SULT2A1: variants seen among roughly 807,000 people sequenced by gnomAD.
The protein encoded by SULT2A1 is sulfotransferase family 2A member 1.
SULT2A1 carries 43 observed loss-of-function variants against 33.9 expected under a neutral mutation model. The ratio of observed to expected loss-of-function variants is 1.27; its 90% CI spans 1.00 to 1.64. The LOEUF is 1.64. Among genes scored for constraint, SULT2A1 ranks in the 40% most tolerant of loss-of-function variants. The probability of loss-of-function intolerance (pLI) is 0.00; values close to 1 mark genes in which losing one functional copy is unlikely to be tolerated. For missense variants in SULT2A1, 300 were observed against 335.1 expected, an observed-to-expected ratio of 0.90 and a Z score of 0.82; for synonymous variants, 125 against 113.6, an observed-to-expected ratio of 1.10 and a Z score of -0.64.
rs568278449 is a variant in SULT2A1, at chr19:47,871,233, G to A, written c.*222C>T. Reference sequence around the variant, plus strand: ...TCTCAGTCTCCTGACCTCGTGATCCGCCCGTCTCGGCCTCCCATAGTGCTG... The same window carrying A: ...TCTCAGTCTCCTGACCTCGTGATCCACCCGTCTCGGCCTCCCATAGTGCTG... On this transcript the variant is annotated 3_prime_UTR_variant, in exon 6 of 6. Coordinates refer to ENST00000222002, the MANE Select transcript of SULT2A1 (RefSeq NM_003167.4). 1.5e-5 allele frequency: 7 copies of A among 481,852 alleles called. No homozygotes were observed. Among genetic ancestry groups the A allele is most frequent in the East Asian group, 3.5e-5 (1 of 28,426 alleles). 29.8% of individuals were successfully genotyped at this position (481,852 alleles called of 1,614,324 possible). A position where few individuals can be genotyped will look rare whatever the true frequency, so the allele number is the denominator to read the frequency against.
intron 2 of SULT2A1, among the ~76,000 whole-genome samples, chr19:47,883,172 C>T (rs1968618863): frequency 6.6e-6 from 1 of 152,200 alleles, no homozygotes; most frequent in Non-Finnish European, 1.5e-5. Context: ...GAACATGCTG[C>T]TTCCCATAGG....
At chr19:47,879,688 C>A (rs1192610065) in intron 3 of SULT2A1, among the ~76,000 whole-genome samples, 1 of 149,256 alleles carries the variant, frequency 6.7e-6, no homozygotes, top group Non-Finnish European at 1.5e-5. Flanking sequence ...GACAGAAAAC[C>A]AAACACCACA....
intron 5 of SULT2A1, among the ~76,000 whole-genome samples, chr19:47,873,872 C>T (rs1395949392): frequency 6.6e-6 from 1 of 151,744 alleles, no homozygotes. Flanking sequence ...ATCCGCCCGC[C>T]TCGGCTTCCC....
chr19:47,875,569 T>C (rs1968536203), intron 4 of SULT2A1, among the ~76,000 whole-genome samples: 1 of 151,954 alleles, frequency 6.6e-6, no homozygotes, highest in Non-Finnish European at 1.5e-5. Context: ...ACCCAGGAAG[T>C]TGAGGCTGCA....
At chr19:47,880,660 C>T (rs545895017) in intron 3 of SULT2A1, among the ~76,000 whole-genome samples, 55 of 151,966 alleles carry the variant, frequency 3.6e-4, no homozygotes, top group African/African-American at 1.1e-3. Context: ...GATCTCGGCT[C>T]GCTGCAACCT....
At chr19:47,883,844 C>A in intron 1 of SULT2A1, 59 bp from the exon 2 acceptor site, 1 of 1,508,652 alleles carries the variant, frequency 6.6e-7, no homozygotes, top group Non-Finnish European at 9.0e-7. Flanking sequence ...CATGGTGGCT[C>A]ACGCCTGTAA....
chr19:47,876,509 G>A lies in SULT2A1; in HGVS notation c.568-1675C>T, dbSNP rs183823193. Among the ~76,000 whole-genome samples the A allele has an allele frequency of 2.4e-3, 362 of 152,216 alleles. 2 individuals carry two copies. The highest frequency in any genetic ancestry group is 8.3e-3 in the African/African-American group (345 of 41,534). Reference sequence around the variant, plus strand: ...GAAGATCCCAGGAAGGTATGGGATCGTGTATCTGAGGTAGCCAACCAAACT... The same window carrying A: ...GAAGATCCCAGGAAGGTATGGGATCATGTATCTGAGGTAGCCAACCAAACT... On this transcript the variant is annotated intron_variant, in intron 4 of 5. Coordinates refer to ENST00000222002, the MANE Select transcript of SULT2A1 (RefSeq NM_003167.4).
At chr19:47,874,560 A>AAAAAT in intron 5 of SULT2A1, 97 bp downstream of exon 5, 1 of 882,288 alleles carries the variant, frequency 1.1e-6, no homozygotes, top group Non-Finnish European at 1.7e-6. Flanking sequence ...AAAAAAAAAA[A>AAAAAT]GCACTCTTTC....
chr19:47,873,174 G>A (rs1172190551), intron 5 of SULT2A1, among the ~76,000 whole-genome samples: 2 of 151,658 alleles, frequency 1.3e-5, no homozygotes, highest in Admixed American at 6.6e-5. Context: ...TGGAAAAATG[G>A]ATTTTTGTTT....
intron 4 of SULT2A1, among the ~76,000 whole-genome samples, chr19:47,876,976 C>T (rs932319880): frequency 2.0e-5 from 3 of 148,348 alleles, no homozygotes; most frequent in South Asian, 2.2e-4. Context: ...ACTCAGGAGG[C>T]TGAGGCAGAA....
chr19:47,885,214 A>G (rs1425157973), intron 1 of SULT2A1, among the ~76,000 whole-genome samples: 1 of 151,976 alleles, frequency 6.6e-6, no homozygotes, highest in Non-Finnish European at 1.5e-5. Context: ...CAAAACCGAA[A>G]CTCTATGCAG....
intron 3 of SULT2A1, among the ~76,000 whole-genome samples, chr19:47,879,500 A>C (rs1968581042): frequency 6.6e-6 from 1 of 152,090 alleles, no homozygotes; most frequent in Non-Finnish European, 1.5e-5. Context: ...ACAAGGCGGC[A>C]GGAGGGAGGA....
Position 47,871,490 on chromosome 19 carries a change from C to T in SULT2A1, c.823G>A (p.Ala275Thr). 6.2e-7 allele frequency: 1 copy of T among 1,614,038 alleles called. No individual in the cohort carries two copies. Among genetic ancestry groups the T allele is most frequent in the Non-Finnish European group, 8.5e-7 (1 of 1,179,972 alleles). ...GGGAACAGCTCTCGAGGAAGATCTGCCATCTTCTCTTGGAACAATTTATCA... is the reference window on the plus strand; with the variant it reads ...GGGAACAGCTCTCGAGGAAGATCTGTCATCTTCTCTTGGAACAATTTATCA... ...DFDKLFQEKM[A>T]DLPRELFPWE Residue 275 changes from alanine to threonine, a missense_variant, in exon 6 of 6, where the codon GCA (alanine) becomes ACA (threonine). By Grantham distance (58) the Ala-to-Thr change is moderately conservative. Transcript: ENST00000222002.
At chr19:47,871,639 T>C in intron 5 of SULT2A1, 72 bp from the exon 6 acceptor site, 5 of 1,009,464 alleles carry the variant, frequency 5.0e-6, no homozygotes, top group African/African-American at 1.6e-5. Context: ...GCACCTGACA[T>C]GGACATTGTA....
In SULT2A1 at chr19:47,886,154, T is replaced by C; in HGVS notation, c.104A>G (p.Glu35Gly). 1 of 1,614,156 alleles carries C rather than the reference T, an allele frequency of 6.2e-7. No homozygotes were observed. The highest frequency in any genetic ancestry group is 8.5e-7 in the Non-Finnish European group (1 of 1,180,022). ...GGGGTAAGTCAATATTATTACATCT[T>C]CATCCCTTATCACGAACTCATCACG... ...KVRDEFVIRDEDVIILTYPKS... is the reference protein window; with the variant it reads ...KVRDEFVIRDGDVIILTYPKS... Residue 35 changes from glutamate (E) to glycine (G), a missense_variant, in exon 1 of 6, where the codon GAA becomes GGA. Coordinates refer to ENST00000222002, the MANE Select transcript of SULT2A1 (RefSeq NM_003167.4).
At chr19:47,878,250 C>T (rs1482715968) in intron 4 of SULT2A1, among the ~76,000 whole-genome samples, 1 of 151,504 alleles carries the variant, frequency 6.6e-6, no homozygotes. Context: ...GATCATAGCT[C>T]ACTGCAGCCT....
Position 47,871,381 on chromosome 19 carries a change from C to A in SULT2A1, c.*74G>T, listed in dbSNP as rs1383116292. Reference sequence around the variant, plus strand: ...TAAAATAATAAGTCTTACACAATGACCCCAGTCAGGTACATGTACAAGGAC... The same window carrying A: ...TAAAATAATAAGTCTTACACAATGAACCCAGTCAGGTACATGTACAAGGAC... On this transcript the variant is annotated 3_prime_UTR_variant, in exon 6 of 6. Coordinates refer to ENST00000222002, the MANE Select transcript of SULT2A1 (RefSeq NM_003167.4). The A allele has an allele frequency of 3.7e-6, 4 of 1,085,010 alleles. No individual in the cohort carries two copies. Among genetic ancestry groups the A allele is most frequent in the Admixed American group, 1.7e-5 (1 of 57,426 alleles). The allele number at this position is 1,085,010 out of a possible 1,614,324, so 67.2% of individuals were successfully genotyped here.
chr19:47,872,922 T>C (rs2122140259), intron 5 of SULT2A1, among the ~76,000 whole-genome samples: 1 of 151,940 alleles, frequency 6.6e-6, no homozygotes, highest in Admixed American at 6.6e-5. Flanking sequence ...CCACCACACA[T>C]GGCTAATTTT....
At chr19:47,884,194 C>G (rs977650175) in intron 1 of SULT2A1, among the ~76,000 whole-genome samples, 3 of 139,252 alleles carry the variant, frequency 2.2e-5, no homozygotes, top group Non-Finnish European at 3.1e-5. Context: ...TATTTTGAGA[C>G]AGAGTCTTGC....
Sources: gnomAD v4.1 joint callset for allele counts (sites outside exome capture counted in the v4.1 genomes callset) on GRCh38, gnomAD v4.1.1 for gene constraint, MANE v1.5 for transcripts, NCBI Gene and HGNC (gene_info 2026-07-23, HGNC 2026-07-21) for gene names.